FOXN3: variants seen among roughly 807,000 people sequenced by gnomAD.
FOXN3 encodes forkhead box protein N3.
In FOXN3, 7 loss-of-function variants were observed where a neutral mutation model predicts 38.4. That is an observed-to-expected ratio of 0.18 (90% CI 0.10 to 0.34). The LOEUF is 0.34. FOXN3 is among the 10% of genes least tolerant of loss of function. FOXN3 has a pLI of 1.00. For synonymous variants in FOXN3, 230 were observed against 242.2 expected (o/e 0.95, Z 0.47); for missense variants, 456 against 613.4 (o/e 0.74, Z 2.71).
rs896261775 is a variant in FOXN3 at position 89,591,801 on chromosome 14, C to T, written c.-15+27227G>A. Among the ~76,000 whole-genome samples the T allele has an allele frequency of 4.6e-5, 7 of 152,030 alleles. 1 individual carries two copies. The East Asian group carries it at 9.6e-4, about 21-fold the overall frequency. On this transcript the variant is annotated intron_variant, in intron 1 of 6. Transcript: ENST00000345097. ...TGAACCAGGAGTGGTGGCACATGCC[C>T]GTAGTTCTAGCTACCAAGGAGACTG...
intron 2 of FOXN3, among the ~76,000 whole-genome samples, chr14:89,373,767 C>G (rs1890391084): frequency 6.6e-6 from 1 of 152,046 alleles, no homozygotes; most frequent in Admixed American, 6.5e-5. Context: ...TTTGATAGGT[C>G]ACTACATATA....
At chr14:89,440,617 G>A (rs781315955) in intron 1 of FOXN3, among the ~76,000 whole-genome samples, 9 of 152,068 alleles carry the variant, frequency 5.9e-5, no homozygotes, top group East Asian at 1.9e-4. Context: ...ACTCCTGCCC[G>A]CCAGAGAACA....
chr14:89,325,344 CACCACCACCACCACCACT>C (rs1888042081), intron 3 of FOXN3, among the ~76,000 whole-genome samples: 1 of 140,754 alleles, frequency 7.1e-6, no homozygotes, highest in African/African-American at 3.0e-5. Context: ...CCACCACCAC[CACCACCACCACCACCACT>C]ACCACCACCG....
At chr14:89,287,041 C>T (rs1331319702) in intron 3 of FOXN3, among the ~76,000 whole-genome samples, 2 of 152,108 alleles carry the variant, frequency 1.3e-5, no homozygotes, top group Non-Finnish European at 1.5e-5. Flanking sequence ...TTTAACTTGT[C>T]AAAGTCTCAA....
intron 4 of FOXN3, among the ~76,000 whole-genome samples, chr14:89,248,721 G>A (rs916579553): frequency 1.3e-5 from 2 of 152,168 alleles, no homozygotes; most frequent in Admixed American, 6.5e-5. Flanking sequence ...AACTTCCTCC[G>A]CTATAGACAT....
intron 1 of FOXN3, among the ~76,000 whole-genome samples, chr14:89,595,907 C>T (rs957641136): frequency 3.3e-5 from 5 of 152,060 alleles, no homozygotes; most frequent in African/African-American, 1.2e-4. Context: ...CTTTTTTAAT[C>T]GAGAATAAAT....
chr14:89,495,588 A>G (rs1266809365), intron 1 of FOXN3, among the ~76,000 whole-genome samples: 1 of 152,216 alleles, frequency 6.6e-6, no homozygotes, highest in East Asian at 1.9e-4. Flanking sequence ...ACTAATCACA[A>G]CCAGTACTCA....
intron 3 of FOXN3, among the ~76,000 whole-genome samples, chr14:89,306,307 C>T (rs1463312539): frequency 2.0e-5 from 3 of 151,416 alleles, no homozygotes; most frequent in Admixed American, 6.6e-5. Flanking sequence ...AACACACACA[C>T]ACACACTCAC....
chr14:89,511,141 TTTTCTTTC>T (rs1251992345), intron 1 of FOXN3, among the ~76,000 whole-genome samples: 416 of 20,998 alleles, frequency 0.02, 84 homozygotes, highest in East Asian at 0.15. Flanking sequence ...TCTTTCTTTC[TTTTCTTTC>T]TTTCTTTCTT....
intron 1 of FOXN3, among the ~76,000 whole-genome samples, chr14:89,508,254 C>T (rs1893990137): frequency 1.3e-5 from 2 of 152,204 alleles, no homozygotes; most frequent in South Asian, 4.1e-4. Flanking sequence ...AATCACCAGG[C>T]TTGTGGCTCA....
At chr14:89,473,226 A>G (rs1156950438) in intron 1 of FOXN3, among the ~76,000 whole-genome samples, 5 of 151,768 alleles carry the variant, frequency 3.3e-5, no homozygotes, top group Admixed American at 6.6e-5. Context: ...GGGTTTCACC[A>G]TGTTGGCCAG....
chr14:89,368,772 T>C (rs936576356), intron 2 of FOXN3, among the ~76,000 whole-genome samples: 6 of 152,026 alleles, frequency 3.9e-5, no homozygotes, highest in Admixed American at 6.6e-5. Flanking sequence ...TCTAAAGCCT[T>C]CTCAGCTCAG....
intron 2 of FOXN3, among the ~76,000 whole-genome samples, chr14:89,395,739 A>G (rs1456598152): frequency 6.6e-6 from 1 of 152,106 alleles, no homozygotes; most frequent in Admixed American, 6.5e-5. Flanking sequence ...TAATTACCTT[A>G]TTACTATTTA....
At chr14:89,600,109 C>T (rs905301910) in intron 1 of FOXN3, among the ~76,000 whole-genome samples, 3 of 152,104 alleles carry the variant, frequency 2.0e-5, no homozygotes, top group Admixed American at 1.3e-4. Flanking sequence ...TAATTTTGAG[C>T]AGCTTTTCTC....
At position 89,615,116 on chromosome 14, in the gene FOXN3, A is replaced by ATTTTTTTTTT. The variant is rs374606775; in HGVS notation, c.-15+3902_-15+3911dup. On this transcript the variant is annotated intron_variant, in intron 1 of 6. Transcript: ENST00000345097. The stretch of plus-strand genomic sequence containing the variant: ...TTTAGCCAACCCATCCCCAATTTCG[A>ATTTTTTTTTT]TTTTTTTTTTTTTTTTTTTTTTGCT... Among the ~76,000 whole-genome samples the ATTTTTTTTTT allele has an allele frequency of 1.0e-3, 112 of 106,718 alleles. 1 individual carries two copies. The highest frequency in any genetic ancestry group is 1.1e-3 in the East Asian group (4 of 3,672). 70.0% of individuals were successfully genotyped at this position (106,718 alleles called of 152,430 possible).
At chr14:89,598,047 G>T in intron 1 of FOXN3, among the ~76,000 whole-genome samples, 1 of 150,310 alleles carries the variant, frequency 6.7e-6, no homozygotes, top group Non-Finnish European at 1.5e-5. Flanking sequence ...CTCTTTCTTA[G>T]CTTGTTATTT....
intron 2 of FOXN3, among the ~76,000 whole-genome samples, chr14:89,397,218 A>G (rs953649369): frequency 1.1e-4 from 17 of 152,134 alleles, no homozygotes; most frequent in African/African-American, 3.6e-4. Flanking sequence ...CTCACTTATA[A>G]GTGGGAGCTA....
chr14:89,214,359 C>T (rs1005475149), intron 4 of FOXN3, among the ~76,000 whole-genome samples: 1 of 152,224 alleles, frequency 6.6e-6, no homozygotes, highest in Non-Finnish European at 1.5e-5. Context: ...CGGATGACTG[C>T]ACTCCCTTGG....
intron 1 of FOXN3, among the ~76,000 whole-genome samples, chr14:89,541,796 T>C (rs1232490817): frequency 6.6e-6 from 1 of 152,196 alleles, no homozygotes; most frequent in Non-Finnish European, 1.5e-5. Flanking sequence ...CTCCCTGCTC[T>C]GCCACTCTGG....
Sources: gnomAD v4.1 joint callset for allele counts (sites outside exome capture counted in the v4.1 genomes callset) on GRCh38, gnomAD v4.1.1 for gene constraint, MANE v1.5 for transcripts, NCBI Gene and HGNC (gene_info 2026-07-23, HGNC 2026-07-21) for gene names.